The following SLC1A1 variants were observed in gnomAD, a reference collection of about 807,000 sequenced individuals.
SLC1A1 encodes excitatory amino acid transporter 3.
SLC1A1 carries 43 observed loss-of-function variants against 53.3 expected under a neutral mutation model. The ratio of observed to expected loss-of-function variants is 0.81; its 90% CI spans 0.63 to 1.04. SLC1A1 has a LOEUF of 1.04. Among genes scored for constraint, SLC1A1 ranks in the 50% least tolerant of loss-of-function variants. The pLI is 0.00. For synonymous variants in SLC1A1, 307 were observed against 243.2 expected (o/e 1.26, Z -2.44); for missense variants, 748 against 664.9 (o/e 1.12, Z -1.37).
intron 1 of SLC1A1, among the ~76,000 whole-genome samples, chr9:4,494,462 T>G (rs1363944311): frequency 6.6e-6 from 1 of 152,044 alleles, no homozygotes; most frequent in Non-Finnish European, 1.5e-5. Flanking sequence ...TATGTCTCTT[T>G]CTGTGTCCTG....
rs112510558 is a variant in SLC1A1, at chr9:4,501,540, A to G, written c.91+10770A>G. ...AGAACTTTGGGAGGCCGAGGTGGGC[A>G]GATCACCTGAGGTCAGGAGTTCAAG... On this transcript the variant is annotated intron_variant, in intron 1 of 11. Coordinates refer to ENST00000262352, the MANE Select transcript of SLC1A1 (RefSeq NM_004170.6). Among the ~76,000 whole-genome samples, 57 of 151,734 alleles carry G rather than the reference A, an allele frequency of 3.8e-4. No homozygotes were observed. In the South Asian group the frequency reaches 0.012, roughly 31 times the overall value.
intron 1 of SLC1A1, among the ~76,000 whole-genome samples, chr9:4,530,448 C>T (rs1203565706): frequency 1.3e-5 from 2 of 152,178 alleles, no homozygotes; most frequent in East Asian, 3.9e-4. Flanking sequence ...TTCCTGGGCG[C>T]AGAGATGCTG....
intron 1 of SLC1A1, among the ~76,000 whole-genome samples, chr9:4,537,022 A>G (rs548380510): frequency 3.3e-5 from 5 of 152,128 alleles, no homozygotes; most frequent in African/African-American, 1.2e-4. Context: ...GAAGGGGAAT[A>G]TCACACACCA....
chr9:4,551,271 C>T (rs75270297), intron 2 of SLC1A1, among the ~76,000 whole-genome samples: 1 of 152,046 alleles, frequency 6.6e-6, no homozygotes, highest in Admixed American at 6.5e-5. Flanking sequence ...TATCTGGAAA[C>T]AATCCCACAT....
At chr9:4,520,771 C>G (rs72687871) in intron 1 of SLC1A1, among the ~76,000 whole-genome samples, 5,187 of 152,216 alleles carry the variant, frequency 0.034, 147 homozygotes, top group South Asian at 0.056. Flanking sequence ...ATTCCAGAGG[C>G]TATATATCTA....
rs376978216 is a variant in SLC1A1, at chr9:4,570,359, A to T, written c.583-1845A>T. On this transcript the variant is annotated intron_variant, in intron 6 of 11. Transcript: ENST00000262352. The stretch of plus-strand genomic sequence containing the variant: ...ATAAGTAAGAAATGACTGGTAGCCC[A>T]GTGGGTCCTCAACATAATTTTTTTT... 9.2e-5 allele frequency among the ~76,000 whole-genome samples: 14 copies of T among 152,062 alleles called. No individual in the cohort carries two copies. In the East Asian group the frequency reaches 1.2e-3, roughly 13 times the overall value.
At chr9:4,505,516 A>G (rs933953874) in intron 1 of SLC1A1, among the ~76,000 whole-genome samples, 3 of 152,234 alleles carry the variant, frequency 2.0e-5, no homozygotes, top group African/African-American at 7.2e-5. Flanking sequence ...CAAATAAATA[A>G]TCTGAGGATG....
chr9:4,497,413 A>G (rs1156978663), intron 1 of SLC1A1, among the ~76,000 whole-genome samples: 1 of 152,124 alleles, frequency 6.6e-6, no homozygotes, highest in African/African-American at 2.4e-5. Context: ...CAATTCAGGA[A>G]CCCTAAGGGA....
intron 1 of SLC1A1, among the ~76,000 whole-genome samples, chr9:4,530,312 C>A (rs1168678952): frequency 2.0e-5 from 3 of 152,054 alleles, no homozygotes; most frequent in African/African-American, 7.2e-5. Context: ...CAATATGGAC[C>A]ACTAATTAAA....
intron 2 of SLC1A1, among the ~76,000 whole-genome samples, chr9:4,550,869 C>T (rs920726651): frequency 2.0e-5 from 3 of 152,156 alleles, no homozygotes; most frequent in African/African-American, 7.2e-5. Flanking sequence ...GTGTATTTTG[C>T]CCAACTACCC....
In SLC1A1 at chr9:4,544,575, A is replaced by C; in HGVS notation, c.100A>C (p.Thr34Pro). The C allele has an allele frequency of 6.2e-7, 1 of 1,613,652 alleles. No homozygotes were observed. ...TVAAVVLGIT[T>P]GVLVREHSNL... is the part of the protein sequence containing the mutation. ...ACTCTTGTTTTCCTTAGGCATTACC[A>C]CAGGAGTCTTGGTTCGAGAACACAG... Residue 34 changes from threonine to proline, a missense_variant, in exon 2 of 12, where the codon ACA becomes CCA. Thr to Pro is a conservative substitution (Grantham distance 38). Coordinates refer to ENST00000262352, the MANE Select transcript of SLC1A1 (RefSeq NM_004170.6).
intron 1 of SLC1A1, among the ~76,000 whole-genome samples, chr9:4,527,175 A>G (rs1427900955): frequency 6.6e-6 from 1 of 152,144 alleles, no homozygotes; most frequent in African/African-American, 2.4e-5. Context: ...TCCTACAACT[A>G]CCAGGAAGTG....
At chr9:4,506,631 G>T (rs564567115) in intron 1 of SLC1A1, among the ~76,000 whole-genome samples, 2 of 152,170 alleles carry the variant, frequency 1.3e-5, no homozygotes, top group Admixed American at 1.3e-4. Flanking sequence ...AGTAATGCTT[G>T]GTTGCTTTTT....
At position 4,576,704 on chromosome 9, in the gene SLC1A1, G is replaced by T; in HGVS notation, c.1134G>T (p.Ala378=). 2.5e-6 allele frequency: 4 copies of T among 1,614,180 alleles called. No individual in the cohort carries two copies. Among genetic ancestry groups the T allele is most frequent in the Non-Finnish European group, 3.4e-6 (4 of 1,180,018 alleles). ...CTGCGCTCTATGAAGCAGTGGCAGC[G>T]GTGTTTATTGCACAGTTGAATGACC... ...DGTALYEAVA[A]VFIAQLNDLD... The change falls in exon 10 of 12, where the codon GCG becomes GCT. Residue 378 remains alanine (A), a synonymous_variant. Coordinates refer to ENST00000262352, the MANE Select transcript of SLC1A1 (RefSeq NM_004170.6).
Position 4,583,204 on chromosome 9 carries a change from G to A in SLC1A1, c.1328+32G>A. 2 of 1,614,068 alleles carry A rather than the reference G, an allele frequency of 1.2e-6. No homozygotes were observed. Among genetic ancestry groups the A allele is most frequent in the Non-Finnish European group, 8.5e-7 (1 of 1,179,964 alleles). ...TGGAATAAATGCACTGCCTTAGCTG[G>A]ATGTGCAGGCGGGCTTCCCAGCCTC... is the stretch of plus-strand genomic sequence containing the variant. On this transcript the variant is annotated intron_variant, in intron 11 of 11. Transcript: ENST00000262352. The surrounding 1 kb of genome is among the most constrained non-coding windows in gnomAD (Gnocchi z 4.6).
At chr9:4,574,449 A>G (rs1820358726) in intron 8 of SLC1A1, among the ~76,000 whole-genome samples, 1 of 152,156 alleles carries the variant, frequency 6.6e-6, no homozygotes, top group Admixed American at 6.5e-5. Context: ...TAGGAGCAGG[A>G]TGGCTGTTGG....
intron 1 of SLC1A1, among the ~76,000 whole-genome samples, chr9:4,491,972 G>A (rs1037928621): frequency 3.3e-5 from 5 of 152,180 alleles, no homozygotes; most frequent in Admixed American, 2.6e-4. Context: ...GGAAGTTAAT[G>A]GGATTCTTGG....
chr9:4,544,715 G>T lies in SLC1A1; in HGVS notation c.232+8G>T. ...TATCCAGCATGATTACAGGTACCTT[G>T]AGAAAACAGATGTTCTCTATATTAG... On this transcript the variant is annotated splice_region_variant and intron_variant, in intron 2 of 11. Coordinates refer to ENST00000262352, the MANE Select transcript of SLC1A1 (RefSeq NM_004170.6). The T allele has an allele frequency of 6.2e-7, 1 of 1,608,744 alleles. No individual in the cohort carries two copies. The highest frequency in any genetic ancestry group is 8.5e-7 in the Non-Finnish European group (1 of 1,175,420).
chr9:4,565,991 A>G (rs1819449713), intron 4 of SLC1A1, 56 bp from the exon 5 acceptor site: 1 of 1,291,298 alleles, frequency 7.7e-7, no homozygotes, highest in Non-Finnish European at 1.1e-6. Flanking sequence ...TATATTAGGT[A>G]TGACAAAACA....
Sources: gnomAD v4.1 joint callset for allele counts (sites outside exome capture counted in the v4.1 genomes callset) on GRCh38, gnomAD v4.1.1 for gene constraint, Gnocchi (gnomAD v3.1) non-coding constraint, MANE v1.5 for transcripts, NCBI Gene and HGNC (gene_info 2026-07-23, HGNC 2026-07-21) for gene names.